The following HPSE2 variants were observed in gnomAD, a reference collection of about 807,000 sequenced individuals.
HPSE2 encodes heparanase 2 (inactive), also known as inactive heparanase-2.
In HPSE2, 38 loss-of-function variants were observed where a neutral mutation model predicts 60.5. That is an observed-to-expected ratio of 0.63 (90% CI 0.48 to 0.82). The LOEUF (loss-of-function observed/expected upper bound fraction) is 0.82. Among genes scored for constraint, HPSE2 ranks in the 40% least tolerant of loss-of-function variants. HPSE2 has a pLI of 0.00. For missense variants in HPSE2, 713 were observed against 740.4 expected, an observed-to-expected ratio of 0.96 and a Z score of 0.43; for synonymous variants, 295 against 293.2, an observed-to-expected ratio of 1.01 and a Z score of -0.06.
At chr10:99,232,143 G>A (rs1349588843) in intron 2 of HPSE2, among the ~76,000 whole-genome samples, 2 of 151,724 alleles carry the variant, frequency 1.3e-5, no homozygotes, top group African/African-American at 4.8e-5. Flanking sequence ...CTCATCTGAA[G>A]CTTCCAACTT....
chr10:98,920,644 C>T (rs1018067071), intron 3 of HPSE2, among the ~76,000 whole-genome samples: 1 of 152,150 alleles, frequency 6.6e-6, no homozygotes, highest in African/African-American at 2.4e-5. Context: ...TCCCTTGGGC[C>T]ATATGTTCCA....
intron 3 of HPSE2, among the ~76,000 whole-genome samples, chr10:98,995,011 C>A (rs1200872989): frequency 6.6e-6 from 1 of 152,134 alleles, no homozygotes; most frequent in Non-Finnish European, 1.5e-5. Context: ...ATTTTTGATT[C>A]CTGGGGGTTT....
chr10:98,679,916 TCTC>T (rs572607471), intron 6 of HPSE2, among the ~76,000 whole-genome samples: 4 of 152,166 alleles, frequency 2.6e-5, no homozygotes, highest in African/African-American at 9.6e-5. Context: ...CTCAAGAAAT[TCTC>T]CTGCCACAGC....
At chr10:99,256,792 G>A in the HPSE2 span, among the ~76,000 whole-genome samples, 234 of 152,206 alleles carry the variant, frequency 1.5e-3, 1 homozygote, top group Non-Finnish European at 2.4e-3. Flanking sequence ...GGTGGCTCAC[G>A]CCTGTAATCC....
At position 99,232,333 on chromosome 10, in the gene HPSE2, A is replaced by C; in HGVS notation, c.448+15T>G. ...TTCCGCTCCCCAAATAAAGAATGGT[A>C]ATCAAGTTTCTCACCATCCTCATAG... is the stretch of plus-strand genomic sequence containing the variant. On this transcript the variant is annotated intron_variant, in intron 2 of 11. Coordinates refer to ENST00000370552, the MANE Select transcript of HPSE2 (RefSeq NM_021828.5). 3 of 1,551,294 alleles carry C rather than the reference A, an allele frequency of 1.9e-6. No individual in the cohort carries two copies. The highest frequency in any genetic ancestry group is 2.6e-6 in the Non-Finnish European group (3 of 1,146,706).
chr10:98,554,108 G>C (rs1424340793), intron 9 of HPSE2, among the ~76,000 whole-genome samples: 1 of 152,124 alleles, frequency 6.6e-6, no homozygotes, highest in Non-Finnish European at 1.5e-5. Context: ...ATAATCCTGA[G>C]AGAAATTTGC....
chr10:99,245,861 G>A, the HPSE2 span, among the ~76,000 whole-genome samples: 3 of 152,312 alleles, frequency 2.0e-5, no homozygotes, highest in Non-Finnish European at 2.9e-5. Context: ...GTTTAATAGT[G>A]AGGAATTGGA....
chr10:99,127,314 C>G (rs1845200484), intron 3 of HPSE2, among the ~76,000 whole-genome samples: 1 of 152,136 alleles, frequency 6.6e-6, no homozygotes, highest in Admixed American at 6.5e-5. Flanking sequence ...ATCACAACTT[C>G]TGGAAATGAA....
chr10:98,526,638 T>G (rs1445053287), intron 9 of HPSE2, among the ~76,000 whole-genome samples: 3 of 152,168 alleles, frequency 2.0e-5, no homozygotes, highest in African/African-American at 7.2e-5. Context: ...CAGAACATGG[T>G]CATCATTAAG....
At position 98,929,951 on chromosome 10, in the gene HPSE2, CCTCT is replaced by C. The variant is rs1470434667; in HGVS notation, c.611-185899_611-185896del. On this transcript the variant is annotated intron_variant, in intron 3 of 11. Coordinates refer to ENST00000370552, the MANE Select transcript of HPSE2 (RefSeq NM_021828.5). Reference sequence around the variant, plus strand: ...TAAATAAAGTTTTATTGGCTATTGGCCTCTAGCCATGATCTCTTGTATATGAGTG... The same window carrying C: ...TAAATAAAGTTTTATTGGCTATTGGCAGCCATGATCTCTTGTATATGAGTG... Among the ~76,000 whole-genome samples, 17 of 143,478 alleles carry C rather than the reference CCTCT, an allele frequency of 1.2e-4. 1 individual carries two copies. In the East Asian group the frequency reaches 3.0e-3, roughly 25 times the overall value. The allele number at this position is 143,478 out of a possible 152,430, so 94.1% of individuals were successfully genotyped here.
chr10:98,700,175 T>C (rs1240265492), intron 5 of HPSE2, among the ~76,000 whole-genome samples: 74 of 151,952 alleles, frequency 4.9e-4, no homozygotes, highest in African/African-American at 1.8e-3. Context: ...AAAAAGAGCC[T>C]GCATCACCAA....
At chr10:98,571,795 T>C (rs1016974327) in intron 9 of HPSE2, among the ~76,000 whole-genome samples, 1 of 151,972 alleles carries the variant, frequency 6.6e-6, no homozygotes, top group Admixed American at 6.6e-5. Context: ...CGAGGGAGGG[T>C]CTTTCAGCCC....
Position 99,168,075 on chromosome 10 carries a change from G to A in HPSE2, c.449-23676C>T, listed in dbSNP as rs116050505. 7.5e-3 allele frequency among the ~76,000 whole-genome samples: 1,004 copies of A among 133,580 alleles called. 7 individuals carry two copies. Among genetic ancestry groups the A allele is most frequent in the African/African-American group, 0.025 (933 of 36,788 alleles). 87.6% of individuals were successfully genotyped at this position (133,580 alleles called of 152,430 possible). ...ATGCTTTCTCTGCATCTATTGAGGT[G>A]ATCAGCCTATTTACACACACACACA... On this transcript the variant is annotated intron_variant, in intron 2 of 11. Coordinates refer to ENST00000370552, the MANE Select transcript of HPSE2 (RefSeq NM_021828.5).
At chr10:99,140,129 T>A (rs1845812146) in intron 3 of HPSE2, among the ~76,000 whole-genome samples, 1 of 152,186 alleles carries the variant, frequency 6.6e-6, no homozygotes, top group Admixed American at 6.5e-5. Flanking sequence ...GAAAAAACAG[T>A]CCTTGTTTCA....
the HPSE2 span, among the ~76,000 whole-genome samples, chr10:99,267,607 C>T: frequency 8.0e-4 from 122 of 151,868 alleles, 1 homozygote; most frequent in African/African-American, 2.8e-3. Flanking sequence ...TATGGTGAAA[C>T]CCCATCTCTA....
At position 98,620,660 on chromosome 10, in the gene HPSE2, C is replaced by A. The variant is rs761417426; in HGVS notation, c.1147G>T (p.Val383Leu). The change falls in exon 8 of 12, where the codon GTG (valine) becomes TTG (leucine). Residue 383 changes from valine to leucine, a missense_variant. Coordinates refer to ENST00000370552, the MANE Select transcript of HPSE2 (RefSeq NM_021828.5). ...TTTGTGCCTCCAGCTGAGGTGGTCA[C>A]CACACCTTCAAGCCAAATCTTCTTT... ...PGKKIWLEGV[V>L]TTSAGGTNNL... is the part of the protein sequence containing the mutation. The A allele has an allele frequency of 3.8e-5, 61 of 1,614,078 alleles. 1 individual carries two copies. Among genetic ancestry groups the A allele is most frequent in the South Asian group, 2.5e-4 (23 of 91,054 alleles).
At chr10:98,846,037 A>G (rs1952027035) in intron 3 of HPSE2, among the ~76,000 whole-genome samples, 1 of 152,232 alleles carries the variant, frequency 6.6e-6, no homozygotes, top group Admixed American at 6.5e-5. Context: ...ATCAAGCAAG[A>G]TAACTTTACA....
At chr10:98,824,712 T>C (rs1205990040) in intron 3 of HPSE2, among the ~76,000 whole-genome samples, 2 of 152,224 alleles carry the variant, frequency 1.3e-5, no homozygotes, top group Admixed American at 1.3e-4. Context: ...GAGGACAGAA[T>C]TAAATAATGT....
chr10:98,879,446 A>G (rs1952960795), intron 3 of HPSE2, among the ~76,000 whole-genome samples: 2 of 152,086 alleles, frequency 1.3e-5, no homozygotes. Context: ...CAGAGAAACC[A>G]GAAAACACTA....
Sources: gnomAD v4.1 joint callset for allele counts (sites outside exome capture counted in the v4.1 genomes callset) on GRCh38, gnomAD v4.1.1 for gene constraint, MANE v1.5 for transcripts, NCBI Gene and HGNC (gene_info 2026-07-23, HGNC 2026-07-21) for gene names.